Variants in CACNA1D observed in about 807,000 individuals in gnomAD.
The protein encoded by CACNA1D is voltage-dependent L-type calcium channel subunit alpha-1D.
In CACNA1D, 55 loss-of-function variants were observed where a neutral mutation model predicts 257.1. The ratio of observed to expected loss-of-function variants is 0.21; its 90% confidence interval spans 0.17 to 0.27. CACNA1D has a LOEUF of 0.27. Ranked by LOEUF, CACNA1D falls within the 10% of genes least tolerant of loss-of-function variation. The pLI, the probability that CACNA1D is intolerant of heterozygous loss-of-function variation, is 1.00. For missense variants in CACNA1D, 1,876 were observed against 2,784.0 expected (o/e 0.67, Z 7.34); for synonymous variants, 980 against 1,014.9 (o/e 0.97, Z 0.65).
At chr3:53,614,622 A>AT (rs2093617460) in intron 3 of CACNA1D, among the ~76,000 whole-genome samples, 1 of 152,210 alleles carries the variant, frequency 6.6e-6, no homozygotes, top group Non-Finnish European at 1.5e-5. Context: ...AAGAATATTT[A>AT]TAAGGCCCAC....
At chr3:53,543,363 G>A (rs1417257507) in intron 3 of CACNA1D, among the ~76,000 whole-genome samples, 1 of 152,126 alleles carries the variant, frequency 6.6e-6, no homozygotes, top group Non-Finnish European at 1.5e-5. Context: ...GTCAGGGTGA[G>A]GAGAAAGTGG....
At chr3:53,648,378 C>T (rs1273647829) in intron 3 of CACNA1D, among the ~76,000 whole-genome samples, 1 of 152,064 alleles carries the variant, frequency 6.6e-6, no homozygotes, top group African/African-American at 2.4e-5. Flanking sequence ...GGGATTTTTG[C>T]CTCTGGTTGA....
intron 9 of CACNA1D, among the ~76,000 whole-genome samples, chr3:53,715,255 C>A (rs2094805993): frequency 6.6e-6 from 1 of 152,188 alleles, no homozygotes; most frequent in Admixed American, 6.5e-5. Context: ...TCTGCTCATC[C>A]TCAGCCCTGG....
In CACNA1D at chr3:53,741,474, T is replaced by C. The variant is rs187971854; in HGVS notation, c.2811+1135T>C. Among the ~76,000 whole-genome samples the C allele has an allele frequency of 1.4e-4, 22 of 152,364 alleles. No homozygotes were observed. The East Asian group carries it at 3.9e-3, about 27-fold the overall frequency. On this transcript the variant is annotated intron_variant, in intron 21 of 47. Coordinates refer to ENST00000350061, the MANE Select transcript of CACNA1D (RefSeq NM_001128840.3). The stretch of plus-strand genomic sequence containing the variant: ...GTTAGTTTTTTGAGGTTGGTTTTTT[T>C]ATTTTTTTATTTTTTGGTTCATGAA...
At chr3:53,724,892 G>T (rs1036105961) in intron 14 of CACNA1D, among the ~76,000 whole-genome samples, 4 of 152,012 alleles carry the variant, frequency 2.6e-5, no homozygotes, top group Non-Finnish European at 4.4e-5. Context: ...TCATTTTCAG[G>T]TATATATAAT....
At chr3:53,707,698 C>T (rs964773365) in intron 9 of CACNA1D, among the ~76,000 whole-genome samples, 1 of 151,960 alleles carries the variant, frequency 6.6e-6, no homozygotes, top group African/African-American at 2.4e-5. Context: ...ACATATGCAG[C>T]TGCTTCTGAG....
intron 3 of CACNA1D, among the ~76,000 whole-genome samples, chr3:53,642,091 G>A (rs2093959733): frequency 6.6e-6 from 1 of 152,190 alleles, no homozygotes; most frequent in Admixed American, 6.5e-5. Context: ...GGAGGGGAGA[G>A]AAGGGAATTT....
intron 3 of CACNA1D, among the ~76,000 whole-genome samples, chr3:53,509,890 T>C (rs973584417): frequency 1.3e-5 from 2 of 152,238 alleles, no homozygotes; most frequent in Non-Finnish European, 2.9e-5. Flanking sequence ...TAAGAGGACG[T>C]ATTTATAAGA....
At chr3:53,753,742 C>A in intron 29 of CACNA1D, 60 bp downstream of exon 29, 1 of 969,196 alleles carries the variant, frequency 1.0e-6, no homozygotes. Flanking sequence ...GAAGTACCCG[C>A]TTCCTGTTAG....
intron 3 of CACNA1D, among the ~76,000 whole-genome samples, chr3:53,510,747 A>G (rs1411759418): frequency 6.6e-6 from 1 of 152,108 alleles, no homozygotes; most frequent in Non-Finnish European, 1.5e-5. Flanking sequence ...TAGGCTGTAC[A>G]AAAGGAAGTC....
chr3:53,808,930 T>C lies in CACNA1D; in HGVS notation c.5871+160T>C, dbSNP rs1021954675. The C allele has an allele frequency of 1.2e-5, 9 of 735,034 alleles. No individual in the cohort carries two copies. In the African/African-American group the frequency reaches 1.2e-4, roughly 10 times the overall value. 45.5% of individuals were successfully genotyped at this position (735,034 alleles called of 1,614,324 possible). The stretch of plus-strand genomic sequence containing the variant: ...TTGTAACAATCCTGTCAAATAGCTA[T>C]GGCCATGAGTCCCATGCTGCCCAAG... On this transcript the variant is annotated intron_variant, in intron 46 of 47. Transcript: ENST00000350061.
At chr3:53,546,751 C>T (rs2092422496) in intron 3 of CACNA1D, among the ~76,000 whole-genome samples, 1 of 152,316 alleles carries the variant, frequency 6.6e-6, no homozygotes, top group Non-Finnish European at 1.5e-5. Context: ...GCATCATACA[C>T]AGAGCAAGTG....
At chr3:53,763,147 C>T (rs1164038790) in intron 30 of CACNA1D, among the ~76,000 whole-genome samples, 1 of 152,230 alleles carries the variant, frequency 6.6e-6, no homozygotes, top group Non-Finnish European at 1.5e-5. Context: ...ACTGGTGACA[C>T]TGGTGAACGT....
At chr3:53,662,047 G>A (rs73840172) in intron 5 of CACNA1D, among the ~76,000 whole-genome samples, 207 of 152,270 alleles carry the variant, frequency 1.4e-3, no homozygotes, top group Middle Eastern at 6.8e-3. Context: ...TGTTTCTAGT[G>A]CTGGTTGGCA....
At chr3:53,635,093 T>C (rs573286478) in intron 3 of CACNA1D, among the ~76,000 whole-genome samples, 3 of 152,312 alleles carry the variant, frequency 2.0e-5, no homozygotes, top group African/African-American at 7.2e-5. Context: ...TTGAGCACCT[T>C]TGCCACAAAG....
At chr3:53,690,437 G>C (rs1576360548) in intron 8 of CACNA1D, among the ~76,000 whole-genome samples, 1 of 152,200 alleles carries the variant, frequency 6.6e-6, no homozygotes, top group Non-Finnish European at 1.5e-5. Flanking sequence ...TTGAGCTCAG[G>C]TGGTCCTTTT....
At chr3:53,776,354 G>C (rs2095397154) in intron 35 of CACNA1D, among the ~76,000 whole-genome samples, 1 of 152,158 alleles carries the variant, frequency 6.6e-6, no homozygotes, top group African/African-American at 2.4e-5. Context: ...TGAATTATTT[G>C]GTGATAATGA....
At chr3:53,643,807 C>G (rs577327677) in intron 3 of CACNA1D, among the ~76,000 whole-genome samples, 1 of 152,356 alleles carries the variant, frequency 6.6e-6, no homozygotes, top group South Asian at 2.1e-4. Context: ...TGTGCTTCAG[C>G]CATGTGGACT....
At chr3:53,514,142 G>T (rs762150867) in intron 3 of CACNA1D, among the ~76,000 whole-genome samples, 10 of 152,110 alleles carry the variant, frequency 6.6e-5, no homozygotes, top group Non-Finnish European at 8.8e-5. Context: ...CATTTTACAG[G>T]TGAGGAAACA....
Sources: gnomAD v4.1 joint callset for allele counts (sites outside exome capture counted in the v4.1 genomes callset) on GRCh38, gnomAD v4.1.1 for gene constraint, MANE v1.5 for transcripts, NCBI Gene and HGNC (gene_info 2026-07-23, HGNC 2026-07-21) for gene names.